The following EXOC6 variants were observed in gnomAD, a reference collection of about 807,000 sequenced individuals.
EXOC6 encodes SEC15-like 1.
In EXOC6, 60 loss-of-function variants were observed where a neutral mutation model predicts 112.5. That is an observed-to-expected ratio of 0.53 (90% CI 0.43 to 0.66). The LOEUF is 0.66. Among genes scored for constraint, EXOC6 ranks in the 30% least tolerant of loss-of-function variants. The pLI, the probability that EXOC6 is intolerant of heterozygous loss-of-function variation, is 0.00. For missense variants in EXOC6, 855 were observed against 957.1 expected, an observed-to-expected ratio of 0.89 and a Z score of 1.41; for synonymous variants, 295 against 308.0, an observed-to-expected ratio of 0.96 and a Z score of 0.44.
At position 92,955,588 on chromosome 10, in the gene EXOC6, A is replaced by C; in HGVS notation, c.1647A>C (p.Gln549His). The C allele has an allele frequency of 6.2e-7, 1 of 1,610,448 alleles. No homozygotes were observed. Among genetic ancestry groups the C allele is most frequent in the South Asian group, 1.1e-5 (1 of 90,754 alleles). The change falls in exon 17 of 22, where the codon CAA becomes CAC. Residue 549 changes from glutamine (Q) to histidine (H), a missense_variant. This residue lies in a region of EXOC6 where 450 missense variants were observed against 563.5 expected (regional missense o/e 0.80). Coordinates refer to ENST00000260762, the MANE Select transcript of EXOC6 (RefSeq NM_019053.6). The stretch of plus-strand genomic sequence containing the variant: ...TATCTTGTGTTTTCTAGCTGGTACA[A>C]ATCATCATAAACACAACACACCTGG... ...KPHIGLTELV[Q>H]IIINTTHLEQ...
chr10:92,968,181 CCTTT>C (rs1334907690), intron 17 of EXOC6, among the ~76,000 whole-genome samples: 1 of 75,228 alleles, frequency 1.3e-5, no homozygotes, highest in Admixed American at 2.5e-4. Flanking sequence ...TAGTGTTTCA[CCTTT>C]TTTTTTTTTT....
chr10:92,954,766 G>C (rs1853599322), intron 16 of EXOC6, 25 bp downstream of exon 16: 1 of 985,616 alleles, frequency 1.0e-6, no homozygotes, highest in South Asian at 1.4e-5. Context: ...CACATATAGT[G>C]AAATGTTTCA....
At chr10:93,006,574 C>G (rs1028397299) in intron 19 of EXOC6, among the ~76,000 whole-genome samples, 2 of 152,150 alleles carry the variant, frequency 1.3e-5, no homozygotes, top group Non-Finnish European at 2.9e-5. Context: ...GAAAATACAT[C>G]TAAAAGCCAA....
At chr10:92,910,490 G>T (rs962595033) in intron 6 of EXOC6, among the ~76,000 whole-genome samples, 1 of 152,042 alleles carries the variant, frequency 6.6e-6, no homozygotes, top group African/African-American at 2.4e-5. Context: ...AGGACACAAG[G>T]GGACTTTCTG....
intron 1 of EXOC6, among the ~76,000 whole-genome samples, chr10:92,863,430 C>T (rs1848001507): frequency 6.6e-6 from 1 of 152,146 alleles, no homozygotes; most frequent in Admixed American, 6.5e-5. Context: ...GAATAAATAA[C>T]TGAACTGTTC....
chr10:92,873,477 A>C (rs527352698), intron 1 of EXOC6, among the ~76,000 whole-genome samples: 1 of 152,286 alleles, frequency 6.6e-6, no homozygotes, highest in East Asian at 1.9e-4. Flanking sequence ...ATCGTTCTTC[A>C]TTTTTATGCT....
intron 18 of EXOC6, among the ~76,000 whole-genome samples, chr10:92,975,246 T>C (rs1261405849): frequency 6.7e-6 from 1 of 148,572 alleles, no homozygotes; most frequent in Non-Finnish European, 1.5e-5. Flanking sequence ...GGAGCGCCTC[T>C]ACCCGGCCGC....
intron 19 of EXOC6, among the ~76,000 whole-genome samples, chr10:93,013,439 C>G (rs1243121341): frequency 6.6e-6 from 1 of 151,958 alleles, no homozygotes; most frequent in African/African-American, 2.4e-5. Context: ...AACTCCATCT[C>G]TACTAAAATA....
intron 1 of EXOC6, among the ~76,000 whole-genome samples, chr10:92,884,421 A>G (rs1168207654): frequency 6.6e-6 from 1 of 152,214 alleles, no homozygotes; most frequent in African/African-American, 2.4e-5. Context: ...CTAGCATTTT[A>G]ATGGCAATTG....
At chr10:93,035,712 G>A (rs974119604) in intron 20 of EXOC6, among the ~76,000 whole-genome samples, 4 of 151,950 alleles carry the variant, frequency 2.6e-5, no homozygotes, top group African/African-American at 7.3e-5. Flanking sequence ...AAAATTAGAC[G>A]AGTGCATTGG....
intron 17 of EXOC6, among the ~76,000 whole-genome samples, chr10:92,963,274 T>G (rs1048063908): frequency 6.6e-6 from 1 of 152,210 alleles, no homozygotes; most frequent in African/African-American, 2.4e-5. Flanking sequence ...TTTCCTTTAC[T>G]TAAATTTCGA....
intron 2 of EXOC6, among the ~76,000 whole-genome samples, chr10:92,894,027 A>G (rs932586852): frequency 5.3e-5 from 8 of 152,324 alleles, no homozygotes; most frequent in African/African-American, 1.9e-4. Context: ...AGATTTGTTC[A>G]GTCAGGATAA....
chr10:93,049,951 T>G (rs1250701434), intron 20 of EXOC6, among the ~76,000 whole-genome samples: 6 of 152,114 alleles, frequency 3.9e-5, no homozygotes, highest in Admixed American at 1.3e-4. Flanking sequence ...TAAAATTGAT[T>G]GAGATGGTTG....
At chr10:93,009,222 CTAAAA>C (rs1271904112) in intron 19 of EXOC6, among the ~76,000 whole-genome samples, 1 of 151,964 alleles carries the variant, frequency 6.6e-6, no homozygotes, top group Non-Finnish European at 1.5e-5. Context: ...AAAAAATTAA[CTAAAA>C]TAAAACCAAA....
At chr10:93,046,409 G>A (rs975426846) in intron 20 of EXOC6, among the ~76,000 whole-genome samples, 2 of 152,120 alleles carry the variant, frequency 1.3e-5, no homozygotes, top group Non-Finnish European at 2.9e-5. Flanking sequence ...ATATGTGGAG[G>A]GTAGTATGAG....
At chr10:92,917,552 T>C (rs1589828227) in intron 7 of EXOC6, among the ~76,000 whole-genome samples, 1 of 148,940 alleles carries the variant, frequency 6.7e-6, no homozygotes, top group Non-Finnish European at 1.5e-5. Context: ...TTTTTAGAGA[T>C]AGGGCTCACT....
intron 1 of EXOC6, among the ~76,000 whole-genome samples, chr10:92,875,643 A>T (rs1375514585): frequency 6.6e-6 from 1 of 152,190 alleles, no homozygotes; most frequent in Non-Finnish European, 1.5e-5. Flanking sequence ...AGAAAAACTT[A>T]AAAAATATAG....
chr10:92,832,885 A>G (rs776542971), upstream of EXOC6, among the ~76,000 whole-genome samples: 1 of 151,628 alleles, frequency 6.6e-6, no homozygotes, highest in Non-Finnish European at 1.5e-5. Flanking sequence ...CTAGTCTCGA[A>G]CTCCTGGCCT....
chr10:92,896,123 G>GTATATATGTGTATATATA (rs1484656562), intron 4 of EXOC6, among the ~76,000 whole-genome samples: 10 of 34,712 alleles, frequency 2.9e-4, no homozygotes, highest in African/African-American at 1.4e-3. Flanking sequence ...ATATATATGT[G>GTATATATGTGTATATATA]TGTGTGTGTG....
Sources: allele counts gnomAD v4.1 joint callset (sites outside exome capture counted in the v4.1 genomes callset), GRCh38; gene constraint gnomAD v4.1.1; regional missense constraint gnomAD v4.1.1; transcripts MANE v1.5; gene names NCBI Gene and HGNC (gene_info 2026-07-23, HGNC 2026-07-21).